Variants in PLPPR1 observed in about 807,000 individuals in gnomAD.
PLPPR1 encodes phospholipid phosphatase related 1, also known as phospholipid phosphatase-related protein type 1.
A neutral mutation model predicts 33.1 loss-of-function variants in PLPPR1; 10 were observed. The observed-to-expected ratio is 0.30, with a 90% CI of 0.19 to 0.51. PLPPR1 has a LOEUF of 0.51. Ranked by LOEUF, PLPPR1 falls within the 20% of genes least tolerant of loss-of-function variation. The pLI is 0.97. For synonymous variants in PLPPR1, 151 were observed against 151.0 expected, an observed-to-expected ratio of 1.00 and a Z score of 0.00; for missense variants, 304 against 408.1, an observed-to-expected ratio of 0.74 and a Z score of 2.20.
chr9:101,247,855 G>A (rs1309572946), intron 2 of PLPPR1, among the ~76,000 whole-genome samples: 1 of 151,958 alleles, frequency 6.6e-6, no homozygotes, highest in Non-Finnish European at 1.5e-5. Context: ...GTTTCCTAAG[G>A]CTCCTCAGTC....
At chr9:101,091,481 C>T (rs1357591540) in intron 1 of PLPPR1, among the ~76,000 whole-genome samples, 1 of 152,106 alleles carries the variant, frequency 6.6e-6, no homozygotes, top group Non-Finnish European at 1.5e-5. Context: ...TAGCTGCCTT[C>T]CTTCATCTTC....
intron 1 of PLPPR1, among the ~76,000 whole-genome samples, chr9:101,095,723 C>T (rs552902229): frequency 4.6e-5 from 7 of 152,166 alleles, no homozygotes; most frequent in Admixed American, 3.9e-4. Context: ...CAAATTACCA[C>T]CAGTCTGACT....
At chr9:101,135,942 C>T (rs1015190126) in intron 1 of PLPPR1, among the ~76,000 whole-genome samples, 1 of 152,164 alleles carries the variant, frequency 6.6e-6, no homozygotes, top group African/African-American at 2.4e-5. Flanking sequence ...GATGGCTATG[C>T]TGGGAAGAGG....
At chr9:101,301,357 A>C (rs2118941828) in intron 4 of PLPPR1, among the ~76,000 whole-genome samples, 1 of 152,292 alleles carries the variant, frequency 6.6e-6, no homozygotes, top group South Asian at 2.1e-4. Flanking sequence ...AGTTACATCT[A>C]CTTCTCTCAG....
intron 1 of PLPPR1, among the ~76,000 whole-genome samples, chr9:101,115,793 G>A (rs996182740): frequency 2.0e-5 from 3 of 152,076 alleles, no homozygotes; most frequent in African/African-American, 7.2e-5. Flanking sequence ...ACACTTAGCT[G>A]CATCCCATTT....
chr9:101,048,043 G>GA, intron 1 of PLPPR1, among the ~76,000 whole-genome samples: 1 of 152,220 alleles, frequency 6.6e-6, no homozygotes, highest in East Asian at 1.9e-4. Flanking sequence ...GAAGGAGTTA[G>GA]AAAAAAATGT....
chr9:101,119,474 G>C (rs1831152803), intron 1 of PLPPR1, among the ~76,000 whole-genome samples: 1 of 152,234 alleles, frequency 6.6e-6, no homozygotes, highest in African/African-American at 2.4e-5. Flanking sequence ...GAACTATCAG[G>C]ACAGGTATCT....
intron 6 of PLPPR1, among the ~76,000 whole-genome samples, chr9:101,313,889 G>T (rs544820579): frequency 6.6e-6 from 1 of 152,086 alleles, no homozygotes; most frequent in East Asian, 1.9e-4. Flanking sequence ...CCTTTTCTAC[G>T]ATTTCATATT....
intron 1 of PLPPR1, among the ~76,000 whole-genome samples, chr9:101,058,278 G>A (rs1368346115): frequency 2.0e-5 from 3 of 150,972 alleles, no homozygotes; most frequent in Non-Finnish European, 4.4e-5. Flanking sequence ...CAAGTACCAT[G>A]TGATGATGAG....
At position 101,241,416 on chromosome 9, in the gene PLPPR1, C is replaced by T. The variant is rs1037777560; in HGVS notation, c.64-28464C>T. Among the ~76,000 whole-genome samples the T allele has an allele frequency of 1.9e-3, 290 of 152,160 alleles. 1 individual carries two copies. Among genetic ancestry groups the T allele is most frequent in the African/African-American group, 6.5e-3 (272 of 41,562 alleles). On this transcript the variant is annotated intron_variant, in intron 2 of 7. Transcript: ENST00000374874. ...TAAAATATACTAACACTAACAGTAG[C>T]TGATGAGCTTTGAAAAAAATCACAA...
intron 1 of PLPPR1, among the ~76,000 whole-genome samples, chr9:101,164,365 C>CTTTT (rs66835142): frequency 7.5e-6 from 1 of 133,518 alleles, no homozygotes; most frequent in Non-Finnish European, 1.5e-5. Flanking sequence ...CTTTTCTTTT[C>CTTTT]TTTTTTTTTT....
chr9:101,281,745 G>A (rs749793826), intron 3 of PLPPR1, among the ~76,000 whole-genome samples: 1 of 152,016 alleles, frequency 6.6e-6, no homozygotes, highest in Non-Finnish European at 1.5e-5. Flanking sequence ...GATGAGAAAG[G>A]AAACATTACA....
intron 1 of PLPPR1, among the ~76,000 whole-genome samples, chr9:101,089,769 CTTG>C (rs1158356095): frequency 6.6e-6 from 1 of 152,078 alleles, no homozygotes; most frequent in Non-Finnish European, 1.5e-5. Flanking sequence ...TTAAGAGTCT[CTTG>C]TTATTTTTAA....
At chr9:101,086,401 C>A (rs562831318) in intron 1 of PLPPR1, among the ~76,000 whole-genome samples, 28 of 152,264 alleles carry the variant, frequency 1.8e-4, no homozygotes, top group African/African-American at 6.7e-4. Context: ...CAGAGTTGTC[C>A]TATGATGGGT....
intron 4 of PLPPR1, among the ~76,000 whole-genome samples, chr9:101,305,086 G>A (rs1163710781): frequency 6.6e-6 from 1 of 152,096 alleles, no homozygotes; most frequent in Non-Finnish European, 1.5e-5. Flanking sequence ...CTAAATCCTG[G>A]ATCTCAGAGT....
rs562349821 is a variant in PLPPR1, at chr9:101,313,083, TG to T, written c.813+110del. ...CTGTGTTCCTTTCGTCCCAACCTTG[TG>T]AATTACAATTATTCTCCAAGTATTA... On this transcript the variant is annotated intron_variant, in intron 6 of 7. Transcript: ENST00000374874. The T allele has an allele frequency of 2.9e-4, 260 of 905,996 alleles. 3 individuals carry two copies. The East Asian group carries it at 6.3e-3, about 22-fold the overall frequency. 56.1% of individuals were successfully genotyped at this position (905,996 alleles called of 1,614,324 possible).
chr9:101,056,125 T>C (rs1003963215), intron 1 of PLPPR1, among the ~76,000 whole-genome samples: 1 of 152,194 alleles, frequency 6.6e-6, no homozygotes, highest in Non-Finnish European at 1.5e-5. Flanking sequence ...TTATTACCCA[T>C]AGTCTTTAGG....
chr9:101,207,581 C>T (rs1826614685), intron 2 of PLPPR1, among the ~76,000 whole-genome samples: 1 of 152,084 alleles, frequency 6.6e-6, no homozygotes, highest in Non-Finnish European at 1.5e-5. Flanking sequence ...ACCTAAGTGT[C>T]TTCTCCTTAA....
intron 1 of PLPPR1, among the ~76,000 whole-genome samples, chr9:101,036,701 C>CAAAAAAAAA (rs5899427): frequency 9.6e-6 from 1 of 103,740 alleles, no homozygotes; most frequent in East Asian, 2.7e-4. Context: ...CTATTTCTGC[C>CAAAAAAAAA]AAAAAAAAAA....
Sources: allele counts gnomAD v4.1 joint callset (sites outside exome capture counted in the v4.1 genomes callset), GRCh38; gene constraint gnomAD v4.1.1; transcripts MANE v1.5; gene names NCBI Gene and HGNC (gene_info 2026-07-23, HGNC 2026-07-21).